The following BORCS8 variants were observed in gnomAD, a reference collection of about 807,000 sequenced individuals.
The protein encoded by BORCS8 is BLOC-1 related complex subunit 8, also known as BLOC-1-related complex subunit 8.
A neutral mutation model predicts 18.7 loss-of-function variants in BORCS8; 13 were observed. The observed-to-expected ratio is 0.70, with a 90% CI of 0.45 to 1.11. The LOEUF (loss-of-function observed/expected upper bound fraction) is 1.11. BORCS8 is among the 50% of genes least tolerant of loss of function. The pLI, the probability that BORCS8 is intolerant of heterozygous loss-of-function variation, is 0.00. For synonymous variants in BORCS8, 68 were observed against 64.8 expected (o/e 1.05, Z -0.24); for missense variants, 165 against 165.7 (o/e 1.00, Z 0.02).
intron 1 of BORCS8, among the ~76,000 whole-genome samples, chr19:19,191,779 A>G (rs528000210): frequency 5.9e-5 from 9 of 151,864 alleles, no homozygotes; most frequent in Admixed American, 3.9e-4. Context: ...AGATCTCACT[A>G]TGTCACCTAG....
chr19:19,183,135 G>A (rs762220507), intron 3 of BORCS8, among the ~76,000 whole-genome samples: 2 of 152,160 alleles, frequency 1.3e-5, no homozygotes, highest in Non-Finnish European at 2.9e-5. Flanking sequence ...TGGGATGGGC[G>A]CAGTGGATCA....
Position 19,182,363 on chromosome 19 carries a change from G to A in BORCS8, c.326+210C>T. 1 of 1,321,876 alleles carries A rather than the reference G, an allele frequency of 7.6e-7. No individual in the cohort carries two copies. Among genetic ancestry groups the A allele is most frequent in the Non-Finnish European group, 9.8e-7 (1 of 1,020,578 alleles). 81.9% of individuals were successfully genotyped at this position (1,321,876 alleles called of 1,614,324 possible). ...TGCTATGTCCCCAGTGCCCAGCCCA[G>A]GGCCAGGCACACAGCAGAGCGCAGG... On this transcript the variant is annotated intron_variant, in intron 4 of 5. Coordinates refer to ENST00000462790, the MANE Select transcript of BORCS8 (RefSeq NM_001145784.2). The surrounding 1 kb of genome is among the most constrained non-coding windows in gnomAD (Gnocchi z 4.1).
chr19:19,190,010 A>G (rs553723053), intron 1 of BORCS8, among the ~76,000 whole-genome samples: 2 of 152,112 alleles, frequency 1.3e-5, no homozygotes, highest in East Asian at 1.9e-4. Context: ...AGGCCTTTGC[A>G]CTTGGTATTC....
At chr19:19,183,845 C>T (rs945925186) in intron 3 of BORCS8, among the ~76,000 whole-genome samples, 5 of 151,836 alleles carry the variant, frequency 3.3e-5, no homozygotes, top group Non-Finnish European at 5.9e-5. Flanking sequence ...GCTGGGATTA[C>T]AGGCGTGAGC....
At chr19:19,187,657 G>T (rs2060423632) in intron 1 of BORCS8, among the ~76,000 whole-genome samples, 1 of 149,712 alleles carries the variant, frequency 6.7e-6, no homozygotes, top group African/African-American at 2.5e-5. Context: ...TCCTGCCTCA[G>T]CCTCCTGAGT....
chr19:19,182,801 C>A lies in BORCS8; in HGVS notation c.216-118G>T. 1 of 1,324,916 alleles carries A rather than the reference C, an allele frequency of 7.5e-7. No homozygotes were observed. Among genetic ancestry groups the A allele is most frequent in the Non-Finnish European group, 1.0e-6 (1 of 996,366 alleles). The allele number at this position is 1,324,916 out of a possible 1,614,324, so 82.1% of individuals were successfully genotyped here. A position where few individuals can be genotyped will look rare whatever the true frequency, so the allele number is the denominator to read the frequency against. On this transcript the variant is annotated intron_variant, in intron 3 of 5. Transcript: ENST00000462790. This position sits in a 1 kb window ranked among gnomAD's most constrained non-coding sequence, Gnocchi z 4.1. ...GTACCTCAGTGATTCTGCGGGCTTC[C>A]CGAAGGACTCACAGTGGGCTTACAT...
chr19:19,187,035 T>TG, intron 1 of BORCS8, 30 bp from the exon 2 acceptor site: 1 of 1,509,484 alleles, frequency 6.6e-7, no homozygotes, highest in Non-Finnish European at 9.0e-7. Context: ...ATGGGGCGGG[T>TG]GTGGGGAGAC....
In BORCS8 at chr19:19,186,940, G is replaced by A. The variant is rs990882873; in HGVS notation, c.103C>T (p.Leu35=). ...ANEPSVALYR[L]QEHVRRSLPE... Reference sequence around the variant, plus strand: ...AGGGAGCGACGCACATGCTCCTGCAGCCGGTACAGGGCCACGGATGGCTCG... The same window carrying A: ...AGGGAGCGACGCACATGCTCCTGCAACCGGTACAGGGCCACGGATGGCTCG... The change falls in exon 2 of 6, where the codon CTG becomes TTG. Residue 35 remains leucine, a synonymous_variant. Transcript: ENST00000462790. 2 of 1,551,186 alleles carry A rather than the reference G, an allele frequency of 1.3e-6. No individual in the cohort carries two copies. The highest frequency in any genetic ancestry group is 2.7e-5 in the African/African-American group (2 of 73,056).
At chr19:19,191,309 C>A (rs1471201194) in intron 1 of BORCS8, among the ~76,000 whole-genome samples, 2 of 149,758 alleles carry the variant, frequency 1.3e-5, no homozygotes, top group African/African-American at 4.9e-5. Context: ...GGTGACAGAG[C>A]GAGACTCCGT....
intron 3 of BORCS8, among the ~76,000 whole-genome samples, chr19:19,185,314 C>T (rs1033094025): frequency 1.3e-5 from 2 of 152,210 alleles, no homozygotes; most frequent in East Asian, 1.9e-4. Flanking sequence ...CTGGGCAACC[C>T]GAGGCAACCG....
At chr19:19,188,030 TTTATTTA>T (rs1209680677) in intron 1 of BORCS8, among the ~76,000 whole-genome samples, 2 of 151,130 alleles carry the variant, frequency 1.3e-5, no homozygotes, top group Non-Finnish European at 2.9e-5. Context: ...TATTTATTTA[TTTATTTA>T]TTATTATTTT....
At chr19:19,188,091 G>A (rs1173252087) in intron 1 of BORCS8, among the ~76,000 whole-genome samples, 1 of 151,868 alleles carries the variant, frequency 6.6e-6, no homozygotes, top group African/African-American at 2.4e-5. Flanking sequence ...GTGTAGTGGG[G>A]CAATCTTGGC....
At chr19:19,180,868 C>T in intron 4 of BORCS8, 107 bp from the exon 5 acceptor site, 1 of 1,185,504 alleles carries the variant, frequency 8.4e-7, no homozygotes, top group Non-Finnish European at 1.2e-6. Context: ...TCAAAGACCT[C>T]TGGCTTGAGC....
rs891185692 is a variant in BORCS8, at chr19:19,182,499, C to T, written c.326+74G>A. ...CAGTTTTCTAATAAGCGAGAAGCAG[C>T]GGTTCCCAGCGCAGCTGAGAGACGG... On this transcript the variant is annotated intron_variant, in intron 4 of 5. Transcript: ENST00000462790. This position sits in a 1 kb window ranked among gnomAD's most constrained non-coding sequence, Gnocchi z 4.1. 1.0e-5 allele frequency: 15 copies of T among 1,501,136 alleles called. No individual in the cohort carries two copies. The Admixed American group carries it at 1.6e-4, about 16-fold the overall frequency. 93.0% of individuals were successfully genotyped at this position (1,501,136 alleles called of 1,614,324 possible).
chr19:19,183,388 C>A (rs1403846712), intron 3 of BORCS8, among the ~76,000 whole-genome samples: 3 of 146,412 alleles, frequency 2.0e-5, no homozygotes, highest in African/African-American at 7.6e-5. Flanking sequence ...CCAGCCTGGG[C>A]GACAGAGCGA....
At position 19,182,690 on chromosome 19, in the gene BORCS8, C is replaced by T. The variant is rs763612266; in HGVS notation, c.216-7G>A. 59 of 1,549,258 alleles carry T rather than the reference C, an allele frequency of 3.8e-5. No individual in the cohort carries two copies. Among genetic ancestry groups the T allele is most frequent in the South Asian group, 7.1e-5 (6 of 83,972 alleles). On this transcript the variant is annotated splice_region_variant and splice_polypyrimidine_tract_variant and intron_variant, in intron 3 of 5. Transcript: ENST00000462790. The surrounding 1 kb of genome is among the most constrained non-coding windows in gnomAD (Gnocchi z 4.1). Reference sequence around the variant, plus strand: ...CACCAGGTTCTTCACGGCGCTGAAACGGGAGGACAGGCCTGGTCAGCGCTC... The same window carrying T: ...CACCAGGTTCTTCACGGCGCTGAAATGGGAGGACAGGCCTGGTCAGCGCTC...
Position 19,192,142 on chromosome 19 carries a change from G to T in BORCS8, c.-25C>A. 6.4e-7 allele frequency: 1 copy of T among 1,551,050 alleles called. No individual in the cohort carries two copies. The highest frequency in any genetic ancestry group is 8.7e-7 in the Non-Finnish European group (1 of 1,146,892). ...TAGCGACCGCGGCCGAGCGAACCGG[G>T]AAACGGCACCGGAAGCCCGGAGGTT... is the stretch of plus-strand genomic sequence containing the variant. On this transcript the variant is annotated 5_prime_UTR_variant, in exon 1 of 6. Coordinates refer to ENST00000462790, the MANE Select transcript of BORCS8 (RefSeq NM_001145784.2).
In BORCS8 at chr19:19,182,714, T is replaced by C. The variant is rs1216904065; in HGVS notation, c.216-31A>G. 9.1e-6 allele frequency: 14 copies of C among 1,536,778 alleles called. No homozygotes were observed. The highest frequency in any genetic ancestry group is 1.2e-5 in the Non-Finnish European group (14 of 1,140,008). On this transcript the variant is annotated intron_variant, in intron 3 of 5. Transcript: ENST00000462790. This position sits in a 1 kb window ranked among gnomAD's most constrained non-coding sequence, Gnocchi z 4.1. ...ACGGGAGGACAGGCCTGGTCAGCGC[T>C]CCGGACCTGCAGGTAACTGTCCCAC...
chr19:19,181,694 G>T (rs979858966), intron 4 of BORCS8, among the ~76,000 whole-genome samples: 1 of 152,198 alleles, frequency 6.6e-6, no homozygotes, highest in Admixed American at 6.5e-5. Context: ...CCGTTTGAGG[G>T]AAGATTGCTA....
Sources: gnomAD v4.1 joint callset for allele counts (sites outside exome capture counted in the v4.1 genomes callset) on GRCh38, gnomAD v4.1.1 for gene constraint, Gnocchi (gnomAD v3.1) non-coding constraint, MANE v1.5 for transcripts, NCBI Gene and HGNC (gene_info 2026-07-23, HGNC 2026-07-21) for gene names.